FOXP2: variants seen among roughly 807,000 people sequenced by gnomAD.
The protein encoded by FOXP2 is forkhead box protein P2.
Under a neutral mutation model 115.8 loss-of-function variants are expected in FOXP2, and 12 were observed. The ratio of observed to expected loss-of-function variants is 0.10; its 90% CI spans 0.07 to 0.17. The LOEUF (loss-of-function observed/expected upper bound fraction) is 0.17, where lower values mean the gene tolerates loss of function less well. Ranked by LOEUF, FOXP2 falls within the 10% of genes least tolerant of loss-of-function variation. The pLI is 1.00. For missense variants in FOXP2, 629 were observed against 843.5 expected (o/e 0.75, Z 3.15); for synonymous variants, 328 against 297.7 (o/e 1.10, Z -1.05).
At position 114,659,487 on chromosome 7, in the gene FOXP2, A is replaced by G. The variant is rs1806761762; in HGVS notation, c.1545+55A>G. ...ATTAAATTAAAATTCATTAATGCTT[A>G]AAGTAAGGCTTGGATGAGAAAGTGT... On this transcript the variant is annotated intron_variant, in intron 12 of 16. Transcript: ENST00000350908. The G allele has an allele frequency of 1.0e-5, 16 of 1,585,218 alleles. No individual in the cohort carries two copies. In the South Asian group the frequency reaches 1.7e-4, roughly 16 times the overall value.
intron 1 of FOXP2, among the ~76,000 whole-genome samples, chr7:114,117,628 G>T (rs894840341): frequency 3.9e-5 from 6 of 152,094 alleles, no homozygotes; most frequent in African/African-American, 1.4e-4. Context: ...TTAGAGTTGG[G>T]AAATTAAAGC....
chr7:114,311,238 G>T (rs966554544), intron 2 of FOXP2, among the ~76,000 whole-genome samples: 1 of 152,100 alleles, frequency 6.6e-6, no homozygotes, highest in African/African-American at 2.4e-5. Flanking sequence ...CCCTGCTCAT[G>T]ACTGACTGAC....
intron 2 of FOXP2, among the ~76,000 whole-genome samples, chr7:114,442,234 A>T (rs1474250183): frequency 1.3e-5 from 2 of 152,178 alleles, no homozygotes; most frequent in Admixed American, 1.3e-4. Context: ...CAGATATTTT[A>T]TAATTCTATT....
chr7:114,437,820 G>A (rs1190282852), intron 2 of FOXP2, among the ~76,000 whole-genome samples: 2 of 152,068 alleles, frequency 1.3e-5, no homozygotes, highest in Non-Finnish European at 2.9e-5. Context: ...CTTCACTACA[G>A]ACTCAGTCTG....
intron 3 of FOXP2, among the ~76,000 whole-genome samples, chr7:114,618,907 A>C (rs943179769): frequency 3.9e-5 from 6 of 152,122 alleles, no homozygotes; most frequent in African/African-American, 1.2e-4. Flanking sequence ...GAAAAGAGAT[A>C]ATTTGAGTGG....
intron 1 of FOXP2, among the ~76,000 whole-genome samples, chr7:114,224,384 A>G (rs755075833): frequency 3.3e-5 from 5 of 152,170 alleles, no homozygotes; most frequent in Non-Finnish European, 5.9e-5. Context: ...GAGTCTTCCT[A>G]TTAATGAACA....
chr7:114,245,902 G>C (rs1252142661), intron 1 of FOXP2, among the ~76,000 whole-genome samples: 1 of 152,010 alleles, frequency 6.6e-6, no homozygotes, highest in African/African-American at 2.4e-5. Context: ...CTGTACTAAA[G>C]AGTTATTGTA....
At chr7:114,335,479 CTA>C (rs537803939) in intron 2 of FOXP2, among the ~76,000 whole-genome samples, 168 of 151,762 alleles carry the variant, frequency 1.1e-3, no homozygotes, top group African/African-American at 3.8e-3. Context: ...GCTTTACAAA[CTA>C]TTTTTTAAAA....
intron 6 of FOXP2, among the ~76,000 whole-genome samples, chr7:114,633,692 G>T (rs543640420): frequency 2.0e-4 from 30 of 152,256 alleles, no homozygotes; most frequent in African/African-American, 5.8e-4. Flanking sequence ...CATTGTGGAG[G>T]CTCATTGTGT....
intron 2 of FOXP2, among the ~76,000 whole-genome samples, chr7:114,504,331 T>G (rs1797712246): frequency 6.6e-6 from 1 of 151,638 alleles, no homozygotes; most frequent in South Asian, 2.1e-4. Flanking sequence ...TTTCTTTCAC[T>G]TAAATTTCTC....
chr7:114,485,375 A>G (rs1320138096), intron 2 of FOXP2, among the ~76,000 whole-genome samples: 1 of 152,004 alleles, frequency 6.6e-6, no homozygotes, highest in African/African-American at 2.4e-5. Context: ...AACATTCAGC[A>G]TAGTTTTAGA....
chr7:114,493,573 T>A (rs1422801457), intron 2 of FOXP2, among the ~76,000 whole-genome samples: 1 of 152,066 alleles, frequency 6.6e-6, no homozygotes, highest in Non-Finnish European at 1.5e-5. Flanking sequence ...GAGATCAATA[T>A]CATTTATGTA....
At chr7:114,217,882 C>T (rs928726212) in intron 1 of FOXP2, among the ~76,000 whole-genome samples, 1 of 152,116 alleles carries the variant, frequency 6.6e-6, no homozygotes, top group African/African-American at 2.4e-5. Context: ...ATAAAAACTA[C>T]TTTAATTTTA....
At position 114,658,261 on chromosome 7, in the gene FOXP2, T is replaced by G. The variant is rs201320940; in HGVS notation, c.1462T>G (p.Ser488Ala). 286 of 1,613,564 alleles carry G rather than the reference T, an allele frequency of 1.8e-4. 3 individuals carry two copies. The South Asian group carries it at 3.0e-3, about 17-fold the overall frequency. The change falls in exon 11 of 17, where the codon TCA becomes GCA. Residue 488 changes from serine (S) to alanine (A), a missense_variant. By Grantham distance (99) the Ser-to-Ala change is moderately conservative. Transcript: ENST00000350908. ...TTCAGACAAATACAACATTCCCATG[T>G]CATCAGGTAGGATATGAATGCTCAG... ...RHSDKYNIPM[S>A]SEIAPNYEFY... is the part of the protein sequence containing the mutation.
intron 1 of FOXP2, among the ~76,000 whole-genome samples, chr7:114,146,929 T>A (rs1307911399): frequency 1.3e-5 from 2 of 152,210 alleles, no homozygotes; most frequent in African/African-American, 4.8e-5. Context: ...TACTCATTGT[T>A]ACTTGTTGTG....
chr7:114,304,935 A>G (rs1158695207), intron 2 of FOXP2, among the ~76,000 whole-genome samples: 1 of 152,136 alleles, frequency 6.6e-6, no homozygotes, highest in Non-Finnish European at 1.5e-5. Flanking sequence ...GACATTAACT[A>G]TACAAATAGT....
intron 5 of FOXP2, 48 bp from the exon 6 acceptor site, chr7:114,631,480 A>G (rs1410480810): frequency 2.6e-6 from 4 of 1,550,844 alleles, no homozygotes; most frequent in Non-Finnish European, 3.5e-6. Flanking sequence ...AGCTGTTTGT[A>G]CAGACCATGT....
Position 114,693,131 on chromosome 7 carries a change from C to T in FOXP2, c.*3205C>T, listed in dbSNP as rs746401453. On this transcript the variant is annotated 3_prime_UTR_variant, in exon 17 of 17. Coordinates refer to ENST00000350908, the MANE Select transcript of FOXP2 (RefSeq NM_014491.4). ...ATTCTATGTGGTTGGATTCGTGGCA[C>T]AGTTGTACTATTTGAAAATCAATTA... 1.3e-5 allele frequency: 6 copies of T among 453,752 alleles called. No individual in the cohort carries two copies. Among genetic ancestry groups the T allele is most frequent in the East Asian group, 1.4e-4 (2 of 14,408 alleles). The allele number at this position is 453,752 out of a possible 1,614,324, so 28.1% of individuals were successfully genotyped here.
intron 2 of FOXP2, among the ~76,000 whole-genome samples, chr7:114,446,706 A>G (rs1392968921): frequency 6.6e-6 from 1 of 151,156 alleles, no homozygotes; most frequent in Non-Finnish European, 1.5e-5. Context: ...ATAATTTCAT[A>G]TCCCCCGCAA....
Sources: allele counts gnomAD v4.1 joint callset (sites outside exome capture counted in the v4.1 genomes callset), GRCh38; gene constraint gnomAD v4.1.1; transcripts MANE v1.5; gene names NCBI Gene and HGNC (gene_info 2026-07-23, HGNC 2026-07-21).